Variants in PTPRG observed in about 807,000 individuals in gnomAD.
PTPRG encodes protein tyrosine phosphatase receptor type G.
In PTPRG, 102 loss-of-function variants were observed where a neutral mutation model predicts 165.3. The observed-to-expected ratio is 0.62, with a 90% CI of 0.53 to 0.73. The LOEUF is 0.73. Ranked by LOEUF, PTPRG falls within the 30% of genes least tolerant of loss-of-function variation. PTPRG has a pLI of 0.00. For synonymous variants in PTPRG, 675 were observed against 669.5 expected (o/e 1.01, Z -0.13); for missense variants, 1,866 against 1,861.4 (o/e 1.00, Z -0.05).
chr3:61,954,594 G>T (rs1003126720), intron 2 of PTPRG, among the ~76,000 whole-genome samples: 11 of 152,288 alleles, frequency 7.2e-5, no homozygotes, highest in Admixed American at 2.0e-4. Context: ...CACAGTATGA[G>T]CTGGCAGGAT....
chr3:61,750,425 G>A (rs1248646893), intron 2 of PTPRG: 1 of 152,214 alleles, frequency 6.6e-6, no homozygotes, highest in Non-Finnish European at 1.5e-5. Flanking sequence ...TTCCCATTAT[G>A]TAGTTAAGAA....
intron 10 of PTPRG, among the ~76,000 whole-genome samples, chr3:62,199,579 T>C (rs1700049432): frequency 6.7e-6 from 1 of 149,322 alleles, no homozygotes; most frequent in Admixed American, 6.6e-5. Context: ...AATTCTGTTT[T>C]GTTTTGTTTT....
At chr3:62,258,107 AC>A (rs754185205) in intron 16 of PTPRG, among the ~76,000 whole-genome samples, 5 of 149,174 alleles carry the variant, frequency 3.4e-5, no homozygotes, top group South Asian at 2.1e-4. Flanking sequence ...CAAATTAGGA[AC>A]CCCCCCCACT....
chr3:61,901,571 T>C lies in PTPRG; in HGVS notation c.191-88054T>C, dbSNP rs117348442. ...CACGCTATGTGCAAGATGTATATGC[T>C]TCCCAATTTCAACTGCAGTTCCCTC... On this transcript the variant is annotated intron_variant, in intron 2 of 29. Coordinates refer to ENST00000474889, the MANE Select transcript of PTPRG (RefSeq NM_002841.4). Among the ~76,000 whole-genome samples, 49 of 152,332 alleles carry C rather than the reference T, an allele frequency of 3.2e-4. No individual in the cohort carries two copies. The East Asian group carries it at 9.3e-3, about 29-fold the overall frequency.
At chr3:62,123,330 C>G (rs1427039212) in intron 5 of PTPRG, among the ~76,000 whole-genome samples, 1 of 152,212 alleles carries the variant, frequency 6.6e-6, no homozygotes, top group East Asian at 1.9e-4. Flanking sequence ...ACTGTAGCCA[C>G]TAACTCCCAG....
At chr3:61,620,758 A>T (rs984355003) in intron 1 of PTPRG, among the ~76,000 whole-genome samples, 2 of 151,838 alleles carry the variant, frequency 1.3e-5, no homozygotes, top group African/African-American at 2.4e-5. Flanking sequence ...CCTCCCGAGT[A>T]GCTAGGATTA....
intron 5 of PTPRG, among the ~76,000 whole-genome samples, chr3:62,131,753 A>G (rs979863738): frequency 1.3e-5 from 2 of 152,158 alleles, no homozygotes; most frequent in Non-Finnish European, 2.9e-5. Context: ...CAAGGTCATA[A>G]ATGATTGATT....
chr3:61,612,859 TTGTGTGTGTGTG>T (rs57134478), intron 1 of PTPRG, among the ~76,000 whole-genome samples: 33 of 150,448 alleles, frequency 2.2e-4, no homozygotes, highest in Admixed American at 4.6e-4. Context: ...TGGAATTAAT[TTGTGTGTGTGTG>T]TGTGTGTGTG....
chr3:61,649,209 G>T (rs1167160089), intron 1 of PTPRG, among the ~76,000 whole-genome samples: 1 of 140,854 alleles, frequency 7.1e-6, no homozygotes, highest in Non-Finnish European at 1.5e-5. Flanking sequence ...TTTAAGAGAT[G>T]AGGTCTTACA....
chr3:61,822,629 G>C (rs2035987411), intron 2 of PTPRG, among the ~76,000 whole-genome samples: 2 of 152,206 alleles, frequency 1.3e-5, no homozygotes, highest in African/African-American at 2.4e-5. Flanking sequence ...ATCCTTTAGA[G>C]TGTTATATTT....
intron 10 of PTPRG, among the ~76,000 whole-genome samples, chr3:62,196,939 A>G (rs1699978378): frequency 6.6e-6 from 1 of 152,216 alleles, no homozygotes; most frequent in African/African-American, 2.4e-5. Context: ...TCATTTGAGA[A>G]GTGCACATTC....
At chr3:61,564,899 A>ACT (rs1699868895) in intron 1 of PTPRG, among the ~76,000 whole-genome samples, 1 of 151,952 alleles carries the variant, frequency 6.6e-6, no homozygotes, top group Non-Finnish European at 1.5e-5. Flanking sequence ...CTTTCTCGAA[A>ACT]CCCGCTGGGG....
At chr3:61,606,284 C>T (rs1207268363) in intron 1 of PTPRG, among the ~76,000 whole-genome samples, 3 of 152,162 alleles carry the variant, frequency 2.0e-5, no homozygotes, top group African/African-American at 4.8e-5. Context: ...CCTTTGCCTG[C>T]GACGTGGCTG....
At chr3:62,027,450 G>A (rs1447274067) in intron 4 of PTPRG, among the ~76,000 whole-genome samples, 2 of 152,070 alleles carry the variant, frequency 1.3e-5, no homozygotes, top group Non-Finnish European at 2.9e-5. Context: ...AGTGGGCTGT[G>A]TCAGCATAAA....
chr3:61,672,658 A>G (rs1408695966), intron 1 of PTPRG, among the ~76,000 whole-genome samples: 1 of 149,338 alleles, frequency 6.7e-6, no homozygotes, highest in East Asian at 2.0e-4. Flanking sequence ...CAGTGAGCCG[A>G]GATGGCAGCA....
rs536091416 is a variant in PTPRG, at chr3:62,113,146, C to G, written c.616-19456C>G. 1.4e-3 allele frequency among the ~76,000 whole-genome samples: 216 copies of G among 152,268 alleles called. 1 individual carries two copies. Among genetic ancestry groups the G allele is most frequent in the Non-Finnish European group, 1.7e-3 (117 of 68,018 alleles). ...CCAGGTCAGGATGAGGCCAGGCTCC[C>G]AGAAGTTTGCTGAGAAATTCCATAT... On this transcript the variant is annotated intron_variant, in intron 5 of 29. Coordinates refer to ENST00000474889, the MANE Select transcript of PTPRG (RefSeq NM_002841.4).
chr3:62,074,352 C>CTTTCTTTCTTTTTTTTTTTTTTTTTTT (rs1701310935), intron 4 of PTPRG, among the ~76,000 whole-genome samples: 1 of 109,114 alleles, frequency 9.2e-6, no homozygotes, highest in African/African-American at 3.8e-5. Context: ...TCTTTTCTTT[C>CTTTCTTTCTTTTTTTTTTTTTTTTTTT]TTTTTTTTTT....
chr3:61,963,028 A>T (rs1281546860), intron 2 of PTPRG, among the ~76,000 whole-genome samples: 2 of 152,064 alleles, frequency 1.3e-5, no homozygotes, highest in Admixed American at 6.6e-5. Context: ...TCCCCACCCT[A>T]TCCTCCCACA....
intron 2 of PTPRG, among the ~76,000 whole-genome samples, chr3:61,887,121 TGC>T (rs144909609): frequency 0.12 from 5,177 of 42,450 alleles, 538 homozygotes; most frequent in African/African-American, 0.34. Context: ...AACCATAGCA[TGC>T]ATATATATAT....
Sources: allele counts gnomAD v4.1 joint callset (sites outside exome capture counted in the v4.1 genomes callset), GRCh38; gene constraint gnomAD v4.1.1; transcripts MANE v1.5; gene names NCBI Gene and HGNC (gene_info 2026-07-23, HGNC 2026-07-21).